NALF1: variants seen among roughly 807,000 people sequenced by gnomAD.
NALF1 encodes the protein NALCN channel auxiliary factor 1.
NALF1 carries 3 observed loss-of-function variants against 48.4 expected under a neutral mutation model. That is an observed-to-expected ratio of 0.06 (90% CI 0.03 to 0.16). The LOEUF (loss-of-function observed/expected upper bound fraction) is 0.16. Ranked by LOEUF, NALF1 falls within the 10% of genes least tolerant of loss-of-function variation. NALF1 has a pLI of 1.00. For synonymous variants in NALF1, 262 were observed against 245.7 expected (o/e 1.07, Z -0.62); for missense variants, 526 against 571.5 (o/e 0.92, Z 0.81).
intron 1 of NALF1, among the ~76,000 whole-genome samples, chr13:107,467,766 T>C (rs1217587428): frequency 2.0e-5 from 3 of 152,094 alleles, no homozygotes; most frequent in Non-Finnish European, 4.4e-5. Context: ...ATTGGCCGGG[T>C]GCGGTGGCCC....
intron 2 of NALF1, among the ~76,000 whole-genome samples, chr13:107,179,076 C>T (rs1879005953): frequency 6.6e-6 from 1 of 152,164 alleles, no homozygotes; most frequent in Non-Finnish European, 1.5e-5. Context: ...TTTATTGTGG[C>T]ACTATTCGCA....
intron 1 of NALF1, among the ~76,000 whole-genome samples, chr13:107,677,253 C>T (rs1040233714): frequency 3.0e-4 from 46 of 152,162 alleles, no homozygotes; most frequent in Non-Finnish European, 7.4e-5. Flanking sequence ...GTCATGTTGG[C>T]CAGGCTGGTC....
chr13:107,351,357 A>G (rs1257149931), intron 1 of NALF1, among the ~76,000 whole-genome samples: 2 of 152,208 alleles, frequency 1.3e-5, no homozygotes, highest in African/African-American at 4.8e-5. Flanking sequence ...AGGACCAGAA[A>G]TGCGCGAAGG....
chr13:107,677,752 T>C (rs578227574), intron 1 of NALF1, among the ~76,000 whole-genome samples: 1 of 152,338 alleles, frequency 6.6e-6, no homozygotes, highest in African/African-American at 2.4e-5. Context: ...TCAATCATAT[T>C]ATTCTGTCAA....
chr13:107,785,758 C>T (rs1878053205), intron 1 of NALF1, among the ~76,000 whole-genome samples: 1 of 152,188 alleles, frequency 6.6e-6, no homozygotes, highest in Non-Finnish European at 1.5e-5. Flanking sequence ...TTCCCCTTTA[C>T]AGACTTTTTG....
chr13:107,724,867 C>A (rs1276019633), intron 1 of NALF1, among the ~76,000 whole-genome samples: 2 of 152,160 alleles, frequency 1.3e-5, no homozygotes, highest in Non-Finnish European at 1.5e-5. Flanking sequence ...AGGCATGAAC[C>A]ACCGTGCCTG....
chr13:107,447,760 C>G (rs1036725554), intron 1 of NALF1, among the ~76,000 whole-genome samples: 1 of 152,128 alleles, frequency 6.6e-6, no homozygotes, highest in African/African-American at 2.4e-5. Context: ...CTCTCCTGCA[C>G]GACGCCAGAC....
intron 1 of NALF1, among the ~76,000 whole-genome samples, chr13:107,509,634 C>T (rs1318187667): frequency 2.0e-5 from 3 of 152,118 alleles, no homozygotes; most frequent in African/African-American, 4.8e-5. Flanking sequence ...CAGCTCCTCA[C>T]TTTAGCCACC....
chr13:107,229,383 G>A (rs1282144037), intron 1 of NALF1, among the ~76,000 whole-genome samples: 1 of 152,200 alleles, frequency 6.6e-6, no homozygotes, highest in Non-Finnish European at 1.5e-5. Context: ...TGTCAGTCTT[G>A]TGATAAAGAG....
chr13:107,806,105 G>A (rs888326630), intron 1 of NALF1, among the ~76,000 whole-genome samples: 3 of 152,210 alleles, frequency 2.0e-5, no homozygotes, highest in Non-Finnish European at 2.9e-5. Context: ...TATAAACCTC[G>A]AAGTGACCTA....
At chr13:107,723,593 A>G (rs2138529576) in intron 1 of NALF1, among the ~76,000 whole-genome samples, 1 of 152,356 alleles carries the variant, frequency 6.6e-6, no homozygotes, top group East Asian at 1.9e-4. Flanking sequence ...AGTCATCAGG[A>G]GAGAATATTG....
intron 1 of NALF1, among the ~76,000 whole-genome samples, chr13:107,840,377 TA>T (rs2138634493): frequency 6.6e-6 from 1 of 152,360 alleles, no homozygotes. Flanking sequence ...AGGTGGTCCA[TA>T]TTGGTTTAGG....
intron 1 of NALF1, among the ~76,000 whole-genome samples, chr13:107,738,272 T>C (rs970492295): frequency 3.3e-5 from 5 of 152,216 alleles, no homozygotes; most frequent in Admixed American, 6.5e-5. Flanking sequence ...CCCCAATTGA[T>C]ATTGATTCAT....
At chr13:107,385,552 CAAAAAAAA>C (rs201307018) in intron 1 of NALF1, among the ~76,000 whole-genome samples, 1 of 118,292 alleles carries the variant, frequency 8.5e-6, no homozygotes, top group African/African-American at 3.4e-5. Context: ...GATTCCATCT[CAAAAAAAA>C]AAAAAAAAAA....
intron 1 of NALF1, among the ~76,000 whole-genome samples, chr13:107,327,701 T>C (rs535783972): frequency 6.6e-6 from 1 of 152,310 alleles, no homozygotes; most frequent in South Asian, 2.1e-4. Context: ...TTTTCTTCTC[T>C]TTACCTATTT....
At chr13:107,241,402 A>C (rs1398853686) in intron 1 of NALF1, among the ~76,000 whole-genome samples, 1 of 152,208 alleles carries the variant, frequency 6.6e-6, no homozygotes, top group Non-Finnish European at 1.5e-5. Context: ...CTGCGATAAT[A>C]ACAGCAGGAA....
rs1880768365 is a variant in NALF1, at chr13:107,867,274, C to T, written c.-678G>A. 9.5e-6 allele frequency among the ~76,000 whole-genome samples: 1 copy of T among 105,028 alleles called. No homozygotes were observed. Among genetic ancestry groups the T allele is most frequent in the Non-Finnish European group, 2.1e-5 (1 of 47,810 alleles). The allele number at this position is 105,028 out of a possible 152,430, so 68.9% of individuals were successfully genotyped here. Reference sequence around the variant, plus strand: ...CTGCCTCCGGCGGGGCGCTCCCTCCCCCCCACCCCCCACCCCGCGCTCTAA... The same window carrying T: ...CTGCCTCCGGCGGGGCGCTCCCTCCTCCCCACCCCCCACCCCGCGCTCTAA... On this transcript the variant is annotated 5_prime_UTR_variant, in exon 1 of 3. Transcript: ENST00000375915. This position sits in a 1 kb window ranked among gnomAD's most constrained non-coding sequence, Gnocchi z 4.4.
At chr13:107,239,898 G>A (rs909515910) in intron 1 of NALF1, among the ~76,000 whole-genome samples, 6 of 152,174 alleles carry the variant, frequency 3.9e-5, no homozygotes, top group African/African-American at 9.7e-5. Flanking sequence ...CCACCTGCTG[G>A]AGAGGGACCA....
chr13:107,857,277 G>C (rs1880462855), intron 1 of NALF1, among the ~76,000 whole-genome samples: 1 of 152,142 alleles, frequency 6.6e-6, no homozygotes, highest in African/African-American at 2.4e-5. Flanking sequence ...TGGCTGACTG[G>C]ATAAATGCCG....
Sources: gnomAD v4.1 joint callset for allele counts (sites outside exome capture counted in the v4.1 genomes callset) on GRCh38, gnomAD v4.1.1 for gene constraint, Gnocchi (gnomAD v3.1) non-coding constraint, MANE v1.5 for transcripts, NCBI Gene and HGNC (gene_info 2026-07-23, HGNC 2026-07-21) for gene names.